Variants in STX8 observed in about 807,000 individuals in gnomAD.
The protein encoded by STX8 is syntaxin 8.
A neutral mutation model predicts 37.5 loss-of-function variants in STX8; 23 were observed. The observed-to-expected ratio is 0.61, with a 90% confidence interval of 0.44 to 0.87. The LOEUF (loss-of-function observed/expected upper bound fraction) is 0.87, where lower values mean the gene tolerates loss of function less well. Among genes scored for constraint, STX8 ranks in the 40% least tolerant of loss-of-function variants. The pLI is 0.00. For missense variants in STX8, 313 were observed against 284.7 expected (o/e 1.10, Z -0.71); for synonymous variants, 115 against 99.1 (o/e 1.16, Z -0.95).
Position 9,546,590 on chromosome 17 carries a change from G to GTTTTTTTTT in STX8, c.213-1309_213-1308insAAAAAAAAA, listed in dbSNP as rs745424722. 1.3e-3 allele frequency among the ~76,000 whole-genome samples: 80 copies of GTTTTTTTTT among 62,206 alleles called. 9 individuals carry two copies. Among genetic ancestry groups the GTTTTTTTTT allele is most frequent in the African/African-American group, 2.9e-3 (50 of 17,084 alleles). The allele number at this position is 62,206 out of a possible 152,430, so 40.8% of individuals were successfully genotyped here. A position where few individuals can be genotyped will look rare whatever the true frequency, so the allele number is the denominator to read the frequency against. On this transcript the variant is annotated intron_variant, in intron 3 of 7. Transcript: ENST00000306357. The stretch of plus-strand genomic sequence containing the variant: ...CTTTCTTGATGCAAACTACAAAAGT[G>GTTTTTTTTT]GTTTTTTTTTTTTTTTTTTTTTTTT...
chr17:9,351,547 C>T (rs1910707413), intron 7 of STX8, among the ~76,000 whole-genome samples: 1 of 152,282 alleles, frequency 6.6e-6, no homozygotes, highest in Admixed American at 6.5e-5. Context: ...AGAATTTTAA[C>T]ACTGATACAA....
chr17:9,369,627 T>C (rs751483169), intron 7 of STX8, among the ~76,000 whole-genome samples: 4 of 152,114 alleles, frequency 2.6e-5, no homozygotes, highest in Non-Finnish European at 4.4e-5. Flanking sequence ...CACAGTGTCA[T>C]ACATCTGTAA....
intron 4 of STX8, among the ~76,000 whole-genome samples, chr17:9,534,986 C>T (rs981800021): frequency 6.6e-6 from 1 of 152,120 alleles, no homozygotes; most frequent in Non-Finnish European, 1.5e-5. Flanking sequence ...CAGCATCTTA[C>T]ATCTGAAGAT....
intron 7 of STX8, among the ~76,000 whole-genome samples, chr17:9,280,656 C>T (rs953858452): frequency 3.3e-5 from 5 of 152,064 alleles, no homozygotes; most frequent in Non-Finnish European, 7.4e-5. Context: ...ACTGAGGAAC[C>T]GTAAAAGAAA....
At chr17:9,351,868 T>A (rs1381439916) in intron 7 of STX8, among the ~76,000 whole-genome samples, 1 of 152,002 alleles carries the variant, frequency 6.6e-6, no homozygotes, top group Non-Finnish European at 1.5e-5. Flanking sequence ...CCGCATCAAA[T>A]TTGGAGCAGT....
At chr17:9,336,325 A>G (rs1481460981) in intron 7 of STX8, among the ~76,000 whole-genome samples, 3 of 152,198 alleles carry the variant, frequency 2.0e-5, no homozygotes, top group Non-Finnish European at 2.9e-5. Context: ...CGACCATGCC[A>G]GGAATGAGGA....
At chr17:9,547,642 A>AAAGAAAAG (rs1555536291) in intron 3 of STX8, among the ~76,000 whole-genome samples, 10 of 115,858 alleles carry the variant, frequency 8.6e-5, no homozygotes, top group African/African-American at 1.3e-4. Flanking sequence ...AAAAAAAAGA[A>AAAGAAAAG]AAAAGAAAAG....
intron 4 of STX8, among the ~76,000 whole-genome samples, chr17:9,534,282 T>C (rs1373318379): frequency 6.7e-6 from 1 of 149,538 alleles, no homozygotes; most frequent in Non-Finnish European, 1.5e-5. Flanking sequence ...ACCAAAAACA[T>C]GTTAGACTTT....
intron 6 of STX8, among the ~76,000 whole-genome samples, chr17:9,397,000 G>C (rs897820972): frequency 1.3e-5 from 2 of 152,242 alleles, no homozygotes; most frequent in Admixed American, 6.5e-5. Context: ...TAAAAGCGAA[G>C]GGACTTGCAC....
intron 6 of STX8, among the ~76,000 whole-genome samples, chr17:9,486,279 G>A (rs758464314): frequency 3.9e-5 from 6 of 152,186 alleles, no homozygotes; most frequent in Non-Finnish European, 5.9e-5. Flanking sequence ...AAAAAGGAGA[G>A]CCTGGGACAT....
At chr17:9,526,892 G>T (rs957248862) in intron 4 of STX8, among the ~76,000 whole-genome samples, 3 of 151,296 alleles carry the variant, frequency 2.0e-5, no homozygotes, top group African/African-American at 7.3e-5. Context: ...AAAAAGTAAC[G>T]TAATGAGGCC....
At chr17:9,488,782 G>C (rs1229863231) in intron 6 of STX8, among the ~76,000 whole-genome samples, 1 of 151,284 alleles carries the variant, frequency 6.6e-6, no homozygotes, top group African/African-American at 2.4e-5. Flanking sequence ...CCACAGAACT[G>C]TAAGACATTA....
At chr17:9,489,129 G>A (rs552278005) in intron 6 of STX8, among the ~76,000 whole-genome samples, 9 of 152,190 alleles carry the variant, frequency 5.9e-5, no homozygotes, top group South Asian at 4.1e-4. Context: ...CATCCACCTC[G>A]GCCTCCCAAA....
chr17:9,443,073 G>C lies in STX8; in HGVS notation c.541+48756C>G, dbSNP rs73973763. On this transcript the variant is annotated intron_variant, in intron 6 of 7. Coordinates refer to ENST00000306357, the MANE Select transcript of STX8 (RefSeq NM_004853.3). Reference sequence around the variant, plus strand: ...ACAGGGTGCTATGGAGAGTTGCTCAGATGTTTGGAAGATACTAGTCATCAT... The same window carrying C: ...ACAGGGTGCTATGGAGAGTTGCTCACATGTTTGGAAGATACTAGTCATCAT... Among the ~76,000 whole-genome samples the C allele has an allele frequency of 3.0e-3, 460 of 152,314 alleles. 3 individuals are homozygous for C. The highest frequency in any genetic ancestry group is 0.01 in the African/African-American group (427 of 41,564).
At chr17:9,338,995 C>T (rs995751365) in intron 7 of STX8, among the ~76,000 whole-genome samples, 7 of 148,050 alleles carry the variant, frequency 4.7e-5, no homozygotes, top group Non-Finnish European at 8.9e-5. Flanking sequence ...GGCGTGAACC[C>T]GGGAAGCGGA....
intron 6 of STX8, among the ~76,000 whole-genome samples, chr17:9,430,162 A>ATT (rs1913902166): frequency 1.3e-5 from 1 of 78,420 alleles, no homozygotes. Context: ...TAAAATATAA[A>ATT]ATATATATAA....
chr17:9,473,914 C>A (rs1905988079), intron 6 of STX8, among the ~76,000 whole-genome samples: 1 of 152,124 alleles, frequency 6.6e-6, no homozygotes, highest in Non-Finnish European at 1.5e-5. Context: ...GGCTCTTAGA[C>A]AATTTCAAAG....
At chr17:9,443,770 G>A (rs12601119) in intron 6 of STX8, among the ~76,000 whole-genome samples, 30,611 of 151,976 alleles carry the variant, frequency 0.2, 3,804 homozygotes, top group East Asian at 0.59. Context: ...CCTACCATAG[G>A]TGCAAAACAT....
chr17:9,476,883 T>C (rs1906129309), intron 6 of STX8, among the ~76,000 whole-genome samples: 1 of 152,142 alleles, frequency 6.6e-6, no homozygotes, highest in Admixed American at 6.6e-5. Flanking sequence ...TCTCACTCTG[T>C]TGCCCAGGCT....
Sources: allele counts gnomAD v4.1 joint callset (sites outside exome capture counted in the v4.1 genomes callset), GRCh38; gene constraint gnomAD v4.1.1; transcripts MANE v1.5; gene names NCBI Gene and HGNC (gene_info 2026-07-23, HGNC 2026-07-21).